Variants in GLRA2 observed in about 807,000 individuals in gnomAD.
GLRA2 encodes the protein glycine receptor subunit alpha-2.
GLRA2 carries 11 observed loss-of-function variants against 31.6 expected under a neutral mutation model. The observed-to-expected ratio is 0.35, with a 90% CI of 0.22 to 0.58. The LOEUF (loss-of-function observed/expected upper bound fraction) is 0.58, where lower values mean the gene tolerates loss of function less well. GLRA2 is among the 20% of genes least tolerant of loss of function. The pLI is 0.84. For synonymous variants in GLRA2, 132 were observed against 134.0 expected (o/e 0.99, Z 0.10); for missense variants, 212 against 351.8 (o/e 0.60, Z 3.18).
At chrX:14,562,953 A>T (rs1328939065) in intron 2 of GLRA2, among the ~76,000 whole-genome samples, 1 of 112,300 alleles carries the variant, frequency 8.9e-6, no homozygotes, top group Non-Finnish European at 1.9e-5. Flanking sequence ...AGTATTAATT[A>T]AAAAAATACT....
chrX:14,560,604 G>T (rs2089713255), intron 2 of GLRA2, among the ~76,000 whole-genome samples: 1 of 110,377 alleles, frequency 9.1e-6, no homozygotes, highest in African/African-American at 3.3e-5. Flanking sequence ...GAGCCCAGGA[G>T]TTCAAGACCA....
At chrX:14,696,219 C>CGAGGGAGG (rs1200899310) in intron 8 of GLRA2, among the ~76,000 whole-genome samples, 1 of 34,939 alleles carries the variant, frequency 2.9e-5, no homozygotes, top group Non-Finnish European at 5.0e-5. Flanking sequence ...AGGGAGAGTG[C>CGAGGGAGG]GAGGGAGGGA....
chrX:14,518,787 G>A, the GLRA2 span, among the ~76,000 whole-genome samples: 5 of 106,811 alleles, frequency 4.7e-5, no homozygotes, highest in East Asian at 1.5e-3. Flanking sequence ...ACGGCGGACC[G>A]ATCACGAGGT....
chrX:14,523,506 G>A, the GLRA2 span, among the ~76,000 whole-genome samples: 1 of 112,039 alleles, frequency 8.9e-6, no homozygotes, highest in African/African-American at 3.2e-5. Context: ...TGTGCAAGAG[G>A]CCTAACTTTT....
At chrX:14,608,907 T>TC in intron 6 of GLRA2, 84 bp from the exon 7 acceptor site, 2 of 501,379 alleles carry the variant, frequency 4.0e-6, no homozygotes. Context: ...AGTCTTTTTT[T>TC]TTTTTTTTTT....
At chrX:14,514,075 T>C in the GLRA2 span, among the ~76,000 whole-genome samples, 10 of 111,981 alleles carry the variant, frequency 8.9e-5, no homozygotes, top group Non-Finnish European at 1.7e-4. Flanking sequence ...CATGGAATAC[T>C]ACTCAGCACA....
At chrX:14,685,698 C>A (rs2091268541) in intron 7 of GLRA2, among the ~76,000 whole-genome samples, 1 of 111,245 alleles carries the variant, frequency 9.0e-6, no homozygotes, top group Non-Finnish European at 1.9e-5. Flanking sequence ...CTATTTGATT[C>A]TTCTCTCTTT....
intron 7 of GLRA2, among the ~76,000 whole-genome samples, chrX:14,617,446 C>T (rs920046788): frequency 2.7e-5 from 3 of 111,745 alleles, no homozygotes; most frequent in African/African-American, 6.5e-5. Context: ...AATTTCCCTC[C>T]CTGTGTCTAC....
chrX:14,575,090 C>CAA (rs373977033), intron 3 of GLRA2, among the ~76,000 whole-genome samples: 3 of 93,648 alleles, frequency 3.2e-5, no homozygotes, highest in African/African-American at 1.2e-4. Context: ...ATGCCTTTTC[C>CAA]AAAAAAAAAA....
chrX:14,616,547 A>G (rs1162197951), intron 7 of GLRA2, among the ~76,000 whole-genome samples: 2 of 112,066 alleles, frequency 1.8e-5, no homozygotes, highest in East Asian at 5.6e-4. Flanking sequence ...GAGGCCATAC[A>G]TAGTTTTGCC....
chrX:14,685,041 G>A (rs1212331536), intron 7 of GLRA2, among the ~76,000 whole-genome samples: 4 of 111,512 alleles, frequency 3.6e-5, no homozygotes, highest in Non-Finnish European at 7.5e-5. Flanking sequence ...GTTGAATTTT[G>A]TCAAAGGCCT....
At chrX:14,701,795 T>C (rs771735655) in intron 8 of GLRA2, among the ~76,000 whole-genome samples, 2 of 112,664 alleles carry the variant, frequency 1.8e-5, no homozygotes, top group East Asian at 5.6e-4. Flanking sequence ...GCACAGACCT[T>C]CTTAAGGGAG....
intron 7 of GLRA2, among the ~76,000 whole-genome samples, chrX:14,672,070 C>T (rs960309095): frequency 7.1e-5 from 8 of 112,001 alleles, no homozygotes; most frequent in Non-Finnish European, 1.3e-4. Context: ...ATTATCAGCC[C>T]GATCCTTTTA....
chrX:14,703,783 C>G (rs1482268882), intron 8 of GLRA2, among the ~76,000 whole-genome samples: 13 of 111,574 alleles, frequency 1.2e-4, no homozygotes, highest in Non-Finnish European at 2.4e-4. Flanking sequence ...CTTCCTCAAC[C>G]CTTGGTAAGT....
intron 2 of GLRA2, among the ~76,000 whole-genome samples, chrX:14,551,455 T>C (rs2089563055): frequency 9.0e-6 from 1 of 111,281 alleles, no homozygotes; most frequent in African/African-American, 3.3e-5. Context: ...TGGGATGTAT[T>C]GGAACTAGAT....
chrX:14,456,264 G>A, the GLRA2 span, among the ~76,000 whole-genome samples: 2,586 of 110,605 alleles, frequency 0.023, 68 homozygotes, highest in African/African-American at 0.081. Flanking sequence ...TATTCATGGG[G>A]TACATAGTGA....
the GLRA2 span, among the ~76,000 whole-genome samples, chrX:14,507,999 G>C: frequency 9.0e-6 from 1 of 110,979 alleles, no homozygotes; most frequent in African/African-American, 3.3e-5. Flanking sequence ...ACATTCTTAA[G>C]GATATTCAAT....
At chrX:14,720,201 AAC>A (rs1433890140) in intron 8 of GLRA2, among the ~76,000 whole-genome samples, 3 of 111,917 alleles carry the variant, frequency 2.7e-5, no homozygotes, top group Non-Finnish European at 5.6e-5. Context: ...TTATCAACAC[AAC>A]ACAGTGATTA....
intron 7 of GLRA2, among the ~76,000 whole-genome samples, chrX:14,690,232 C>T (rs1312655614): frequency 1.8e-5 from 2 of 111,600 alleles, no homozygotes; most frequent in African/African-American, 3.3e-5. Flanking sequence ...TGAATAATAG[C>T]ACCCATCTAT....
Sources: gnomAD v4.1 joint callset for allele counts (sites outside exome capture counted in the v4.1 genomes callset) on GRCh38, gnomAD v4.1.1 for gene constraint, MANE v1.5 for transcripts, NCBI Gene and HGNC (gene_info 2026-07-23, HGNC 2026-07-21) for gene names.